Variants in RAVER2 observed in about 807,000 individuals in gnomAD.
RAVER2 encodes ribonucleoprotein PTB-binding 2.
RAVER2 carries 46 observed loss-of-function variants against 78.1 expected under a neutral mutation model. The observed-to-expected ratio is 0.59, with a 90% confidence interval of 0.46 to 0.75. The LOEUF is 0.75. Ranked by LOEUF, RAVER2 falls within the 30% of genes least tolerant of loss-of-function variation. The pLI, the probability that RAVER2 is intolerant of heterozygous loss-of-function variation, is 0.00. For synonymous variants in RAVER2, 311 were observed against 313.3 expected, an observed-to-expected ratio of 0.99 and a Z score of 0.08; for missense variants, 793 against 837.5, an observed-to-expected ratio of 0.95 and a Z score of 0.66.
chr1:64,826,630 TTACTC>T (rs1413118232), intron 11 of RAVER2, among the ~76,000 whole-genome samples: 6 of 152,152 alleles, frequency 3.9e-5, no homozygotes, highest in Non-Finnish European at 4.4e-5. Context: ...ACTTTGGCTT[TTACTC>T]TAAGATAGAA....
intron 1 of RAVER2, among the ~76,000 whole-genome samples, chr1:64,752,647 C>T (rs993976996): frequency 1.3e-5 from 2 of 152,092 alleles, no homozygotes; most frequent in Non-Finnish European, 2.9e-5. Context: ...TCTCTATCCC[C>T]ATCTGTAGGG....
intron 10 of RAVER2, among the ~76,000 whole-genome samples, chr1:64,813,053 TAG>T (rs1472628498): frequency 6.6e-6 from 1 of 152,204 alleles, no homozygotes; most frequent in Non-Finnish European, 1.5e-5. Context: ...TTACAACTCA[TAG>T]AGAGTCATTT....
chr1:64,758,161 TTAAGA>T (rs1651907165), intron 1 of RAVER2, among the ~76,000 whole-genome samples: 1 of 152,174 alleles, frequency 6.6e-6, no homozygotes, highest in Admixed American at 6.5e-5. Flanking sequence ...AGATACTAAG[TTAAGA>T]TATTTTGTGT....
At chr1:64,822,833 G>A (rs139023126) in intron 11 of RAVER2, among the ~76,000 whole-genome samples, 78 of 152,302 alleles carry the variant, frequency 5.1e-4, no homozygotes, top group African/African-American at 1.7e-3. Context: ...TAATATCCAC[G>A]TGATGGAATA....
chr1:64,780,277 T>G (rs1652592837), intron 3 of RAVER2, among the ~76,000 whole-genome samples: 1 of 152,092 alleles, frequency 6.6e-6, no homozygotes, highest in African/African-American at 2.4e-5. Context: ...AAGAACTGGT[T>G]TGGATTATAA....
At chr1:64,761,430 G>A (rs967330589) in intron 1 of RAVER2, among the ~76,000 whole-genome samples, 9 of 152,288 alleles carry the variant, frequency 5.9e-5, no homozygotes, top group Admixed American at 5.2e-4. Context: ...AGTTTGAAAT[G>A]GAAGTAAGAG....
Position 64,745,212 on chromosome 1 carries a change from G to T in RAVER2, c.40G>T (p.Ala14Ser). The T allele has an allele frequency of 9.4e-7, 1 of 1,058,906 alleles. No individual in the cohort carries two copies. The highest frequency in any genetic ancestry group is 1.1e-6 in the Non-Finnish European group (1 of 878,260). 65.6% of individuals were successfully genotyped at this position (1,058,906 alleles called of 1,614,324 possible). A position where few individuals can be genotyped will look rare whatever the true frequency, so the allele number is the denominator to read the frequency against. Reference sequence around the variant, plus strand: ...GGGAGACGGCGGCGGCGAGGGGGGCGCGGGCCTGGGCAGCGCGGCGGGGCT... The same window carrying T: ...GGGAGACGGCGGCGGCGAGGGGGGCTCGGGCCTGGGCAGCGCGGCGGGGCT... The change falls in exon 1 of 12, where the codon GCG becomes TCG. Residue 14 changes from alanine (A) to serine (S), a missense_variant. Physicochemically the swap from Ala to Ser is moderately conservative, Grantham distance 99. Transcript: ENST00000294428. This position sits in a 1 kb window ranked among gnomAD's most constrained non-coding sequence, Gnocchi z 4.3.
intron 5 of RAVER2, among the ~76,000 whole-genome samples, chr1:64,790,246 G>T (rs961256065): frequency 6.6e-6 from 1 of 152,062 alleles, no homozygotes; most frequent in Non-Finnish European, 1.5e-5. Context: ...ACTACTTATA[G>T]GTTTTAAACT....
At chr1:64,815,782 G>A (rs552048662) in intron 11 of RAVER2, 4 of 152,252 alleles carry the variant, frequency 2.6e-5, no homozygotes, top group Admixed American at 1.3e-4. Context: ...TGGTGCAGCT[G>A]GATATTAGTG....
chr1:64,814,710 C>G, exon 11 of RAVER2: 1 of 1,452,736 alleles, frequency 6.9e-7, no homozygotes, highest in Middle Eastern at 1.8e-4. Flanking sequence ...TTAGCCCCTG[C>G]AAGTAAAACC....
intron 5 of RAVER2, among the ~76,000 whole-genome samples, chr1:64,799,134 C>A (rs1052013288): frequency 6.6e-6 from 1 of 152,194 alleles, no homozygotes; most frequent in Non-Finnish European, 1.5e-5. Flanking sequence ...GTACCTTCAA[C>A]TTCTATGAGC....
At chr1:64,791,300 A>G (rs1271878769) in intron 5 of RAVER2, among the ~76,000 whole-genome samples, 1 of 152,104 alleles carries the variant, frequency 6.6e-6, no homozygotes, top group Non-Finnish European at 1.5e-5. Context: ...GATGGGCCCC[A>G]TGATTGAACT....
chr1:64,775,300 AT>A (rs1218521326), intron 2 of RAVER2, among the ~76,000 whole-genome samples: 1 of 152,178 alleles, frequency 6.6e-6, no homozygotes, highest in African/African-American at 2.4e-5. Flanking sequence ...AGATGAGATT[AT>A]TTTGCTCATT....
chr1:64,788,987 G>T (rs1232800404), intron 4 of RAVER2, among the ~76,000 whole-genome samples: 1 of 152,124 alleles, frequency 6.6e-6, no homozygotes, highest in Non-Finnish European at 1.5e-5. Flanking sequence ...ACGATTACAG[G>T]TGTGAGGCAC....
chr1:64,805,510 T>TA (rs1653392472), intron 8 of RAVER2, among the ~76,000 whole-genome samples: 1 of 152,212 alleles, frequency 6.6e-6, no homozygotes, highest in Non-Finnish European at 1.5e-5. Context: ...TATTTATTTG[T>TA]ATTATTTAAA....
intron 1 of RAVER2, among the ~76,000 whole-genome samples, chr1:64,746,536 C>T (rs1020647450): frequency 1.3e-5 from 2 of 152,148 alleles, no homozygotes; most frequent in Non-Finnish European, 2.9e-5. Context: ...TTCCATGTGA[C>T]TTATAAAATA....
At chr1:64,783,830 G>A (rs1296943099) in intron 4 of RAVER2, among the ~76,000 whole-genome samples, 1 of 152,102 alleles carries the variant, frequency 6.6e-6, no homozygotes, top group South Asian at 2.1e-4. Flanking sequence ...TAGACAAATG[G>A]GATCTAATTA....
chr1:64,786,893 G>T (rs776033250), intron 4 of RAVER2, among the ~76,000 whole-genome samples: 1 of 152,028 alleles, frequency 6.6e-6, no homozygotes, highest in Non-Finnish European at 1.5e-5. Context: ...AATGCTTCAC[G>T]AATTCCTTCA....
rs1654038460 is a variant in RAVER2, at chr1:64,827,918, C to A, written c.1930-2921C>A. Among the ~76,000 whole-genome samples, 2 of 152,198 alleles carry A rather than the reference C, an allele frequency of 1.3e-5. 1 individual carries two copies. The highest frequency in any genetic ancestry group is 4.1e-4 in the South Asian group (2 of 4,830). ...TGTTTACAGTCCTTAGCCTGGCGTT[C>A]CAGCCCTCCATGACTGAGGCCAGCT... is the stretch of plus-strand genomic sequence containing the variant. On this transcript the variant is annotated intron_variant, in intron 11 of 11. Transcript: ENST00000294428.
Sources: allele counts gnomAD v4.1 joint callset (sites outside exome capture counted in the v4.1 genomes callset), GRCh38; gene constraint gnomAD v4.1.1; non-coding constraint Gnocchi (gnomAD v3.1); transcripts MANE v1.5; gene names NCBI Gene and HGNC (gene_info 2026-07-23, HGNC 2026-07-21).